CLASP1: variants seen among roughly 807,000 people sequenced by gnomAD.
The protein encoded by CLASP1 is CLIP-associating protein 1.
In CLASP1, 38 loss-of-function variants were observed where a neutral mutation model predicts 192.3. The observed-to-expected ratio is 0.20, with a 90% CI of 0.15 to 0.26. The LOEUF is 0.26. CLASP1 is among the 10% of genes least tolerant of loss of function. The pLI, the probability that CLASP1 is intolerant of heterozygous loss-of-function variation, is 1.00. For missense variants in CLASP1, 1,433 were observed against 1,932.5 expected (o/e 0.74, Z 4.85); for synonymous variants, 691 against 712.8 (o/e 0.97, Z 0.49).
chr2:121,555,616 T>C (rs908621471), intron 2 of CLASP1, among the ~76,000 whole-genome samples: 8 of 152,230 alleles, frequency 5.3e-5, no homozygotes, highest in Non-Finnish European at 8.8e-5. Flanking sequence ...CAAGACATTA[T>C]CACTCTGTCC....
chr2:121,452,157 C>G (rs1251101172), intron 14 of CLASP1, among the ~76,000 whole-genome samples: 2 of 152,168 alleles, frequency 1.3e-5, no homozygotes, highest in Non-Finnish European at 2.9e-5. Flanking sequence ...CATTTTTATA[C>G]TATCCTAAGT....
chr2:121,589,187 C>A (rs754068532), intron 2 of CLASP1, among the ~76,000 whole-genome samples: 1 of 152,188 alleles, frequency 6.6e-6, no homozygotes, highest in Non-Finnish European at 1.5e-5. Context: ...ACGTGCCCAT[C>A]CATCTGACTT....
At chr2:121,626,800 A>G (rs1334933745) in intron 1 of CLASP1, among the ~76,000 whole-genome samples, 4 of 152,166 alleles carry the variant, frequency 2.6e-5, no homozygotes, top group African/African-American at 9.7e-5. Context: ...CCTTCTTCTC[A>G]CCAACAATAG....
chr2:121,577,222 T>TA (rs77532001), intron 2 of CLASP1, among the ~76,000 whole-genome samples: 1,884 of 141,692 alleles, frequency 0.013, 15 homozygotes, highest in African/African-American at 0.019. Flanking sequence ...TACGTATCTT[T>TA]AAAAAAAAAA....
At chr2:121,561,624 T>C (rs2059095635) in intron 2 of CLASP1, among the ~76,000 whole-genome samples, 1 of 152,216 alleles carries the variant, frequency 6.6e-6, no homozygotes, top group Non-Finnish European at 1.5e-5. Flanking sequence ...AAAAATTTCA[T>C]AATGTTTTAA....
intron 1 of CLASP1, among the ~76,000 whole-genome samples, chr2:121,631,287 CTTTT>C (rs769717647): frequency 4.7e-5 from 6 of 127,588 alleles, no homozygotes; most frequent in African/African-American, 1.4e-4. Flanking sequence ...TTTAAAATTA[CTTTT>C]TTTTTTTTTT....
At chr2:121,549,744 G>T (rs1266513139) in intron 2 of CLASP1, among the ~76,000 whole-genome samples, 16 of 148,758 alleles carry the variant, frequency 1.1e-4, no homozygotes, top group Admixed American at 1.0e-3. Flanking sequence ...GGTGGCTCAC[G>T]CCTGTAATCC....
chr2:121,367,745 G>C (rs765342978), exon 35 of CLASP1: 4 of 1,613,830 alleles, frequency 2.5e-6, no homozygotes, highest in Non-Finnish European at 8.5e-7. Context: ...GTGAGGTCTT[G>C]TTATCCAGAG....
chr2:121,503,087 A>T, intron 8 of CLASP1, 80 bp downstream of exon 8: 1 of 881,722 alleles, frequency 1.1e-6, no homozygotes, highest in Non-Finnish European at 1.8e-6. Flanking sequence ...AAATTACCTA[A>T]TTCAGCTCTT....
At chr2:121,382,253 G>C in exon 33 of CLASP1, 1 of 1,608,788 alleles carries the variant, frequency 6.2e-7, no homozygotes, top group Non-Finnish European at 8.5e-7. Context: ...GGGAGCGGTG[G>C]GGATGGAGTT....
At chr2:121,408,528 A>G (rs988321124) in intron 24 of CLASP1, among the ~76,000 whole-genome samples, 1 of 152,260 alleles carries the variant, frequency 6.6e-6, no homozygotes, top group African/African-American at 2.4e-5. Flanking sequence ...GGCTTAAACC[A>G]TACAAATATA....
intron 2 of CLASP1, among the ~76,000 whole-genome samples, chr2:121,559,857 T>G (rs2058922263): frequency 6.6e-6 from 1 of 152,148 alleles, no homozygotes; most frequent in Non-Finnish European, 1.5e-5. Context: ...ATATATAAAT[T>G]ATATTTTAGT....
chr2:121,487,122 CCCT>C (rs1168994955), intron 8 of CLASP1, among the ~76,000 whole-genome samples: 6 of 152,124 alleles, frequency 3.9e-5, no homozygotes, highest in Non-Finnish European at 8.8e-5. Context: ...TTAACTCTTC[CCCT>C]CCTATCTCCC....
At chr2:121,553,643 G>A (rs1238374262) in intron 2 of CLASP1, among the ~76,000 whole-genome samples, 1 of 152,158 alleles carries the variant, frequency 6.6e-6, no homozygotes, top group Non-Finnish European at 1.5e-5. Context: ...AGAGGCTGCA[G>A]TGAGCCAAGA....
intron 24 of CLASP1, among the ~76,000 whole-genome samples, chr2:121,410,070 GAT>G (rs2077479931): frequency 6.6e-6 from 1 of 152,194 alleles, no homozygotes. Context: ...CTGAAAGCAG[GAT>G]ATTACATACT....
chr2:121,642,996 G>T (rs1030426559), intron 1 of CLASP1, among the ~76,000 whole-genome samples: 2 of 152,116 alleles, frequency 1.3e-5, no homozygotes, highest in Non-Finnish European at 2.9e-5. Flanking sequence ...CATTATTGCA[G>T]TAAGACTATA....
chr2:121,583,159 C>T (rs938388330), intron 2 of CLASP1, among the ~76,000 whole-genome samples: 6 of 152,176 alleles, frequency 3.9e-5, no homozygotes, highest in Admixed American at 2.6e-4. Flanking sequence ...TGTTGCTCTT[C>T]CAAGCATCTG....
intron 16 of CLASP1, among the ~76,000 whole-genome samples, chr2:121,449,532 C>A (rs569104949): frequency 7.5e-6 from 1 of 133,856 alleles, no homozygotes; most frequent in African/African-American, 2.9e-5. Flanking sequence ...GTAACATGTG[C>A]AAAAGAAAAA....
intron 1 of CLASP1, among the ~76,000 whole-genome samples, chr2:121,645,992 G>A (rs896679377): frequency 2.6e-5 from 4 of 152,170 alleles, no homozygotes; most frequent in African/African-American, 7.2e-5. Flanking sequence ...ATGATGCCCC[G>A]CTGGCAATGG....
Sources: allele counts gnomAD v4.1 joint callset (sites outside exome capture counted in the v4.1 genomes callset), GRCh38; gene constraint gnomAD v4.1.1; transcripts MANE v1.5; gene names NCBI Gene and HGNC (gene_info 2026-07-23, HGNC 2026-07-21).